RBFOX3: variants seen among roughly 807,000 people sequenced by gnomAD.
RBFOX3 encodes RNA binding protein fox-1 homolog 3.
Under a neutral mutation model 48.7 loss-of-function variants are expected in RBFOX3, and 17 were observed. The observed-to-expected ratio is 0.35, with a 90% CI of 0.24 to 0.52. The LOEUF (loss-of-function observed/expected upper bound fraction) is 0.52, where lower values mean the gene tolerates loss of function less well. RBFOX3 is among the 20% of genes least tolerant of loss of function. The pLI is 0.94. For missense variants in RBFOX3, 382 were observed against 497.5 expected (o/e 0.77, Z 2.21); for synonymous variants, 212 against 209.5 (o/e 1.01, Z -0.10).
chr17:79,112,914 GT>G (rs59581567), intron 5 of RBFOX3, among the ~76,000 whole-genome samples: 7,688 of 103,238 alleles, frequency 0.074, 746 homozygotes, highest in East Asian at 0.2. Context: ...CGGGGGGGGG[GT>G]GGGCTGGGTA....
rs987696431 is a variant in RBFOX3 at position 79,570,439 on chromosome 17, T to G, written c.-320+40387A>C. ...GATTATAGGTGGATAGATGGGCAGA[T>G]GGATAATATATGGAGGATGAATGGG... On this transcript the variant is annotated intron_variant, in intron 1 of 14. Coordinates refer to ENST00000693108, the MANE Select transcript of RBFOX3 (RefSeq NM_001350451.2). Among the ~76,000 whole-genome samples, 16 of 152,248 alleles carry G rather than the reference T, an allele frequency of 1.1e-4. No homozygotes were observed. In the East Asian group the frequency reaches 3.1e-3, roughly 29 times the overall value.
chr17:79,269,880 A>C (rs1362338608), intron 3 of RBFOX3, among the ~76,000 whole-genome samples: 1 of 152,190 alleles, frequency 6.6e-6, no homozygotes, highest in South Asian at 2.1e-4. Context: ...CTCTCCAGCA[A>C]AGTGAGCCCC....
chr17:79,318,876 AAAAAG>A lies in RBFOX3; in HGVS notation c.-174-11057_-174-11053del, dbSNP rs1322652467. The stretch of plus-strand genomic sequence containing the variant: ...TCTCAAAAAAAAAAAAAAAAAAAAA[AAAAAG>A]GGATGGAGGGAGGGATAGCATTTGG... On this transcript the variant is annotated intron_variant, in intron 2 of 14. Transcript: ENST00000693108. Among the ~76,000 whole-genome samples, 381 of 129,986 alleles carry A rather than the reference AAAAAG, an allele frequency of 2.9e-3. 5 individuals are homozygous for A. Among genetic ancestry groups the A allele is most frequent in the African/African-American group, 9.2e-3 (323 of 35,240 alleles). The allele number at this position is 129,986 out of a possible 152,430, so 85.3% of individuals were successfully genotyped here. A position where few individuals can be genotyped will look rare whatever the true frequency, so the allele number is the denominator to read the frequency against.
intron 4 of RBFOX3, among the ~76,000 whole-genome samples, chr17:79,215,223 T>A (rs1004527013): frequency 3.3e-5 from 5 of 151,568 alleles, no homozygotes; most frequent in Non-Finnish European, 4.4e-5. Context: ...CCAGACTGCA[T>A]GCTGCCGCCC....
At chr17:79,201,959 C>A (rs2056820496) in intron 4 of RBFOX3, among the ~76,000 whole-genome samples, 1 of 152,206 alleles carries the variant, frequency 6.6e-6, no homozygotes, top group Non-Finnish European at 1.5e-5. Context: ...CATGCTGACA[C>A]CACCTTCTCT....
At chr17:79,405,115 C>G (rs1009908434) in intron 2 of RBFOX3, among the ~76,000 whole-genome samples, 3 of 152,200 alleles carry the variant, frequency 2.0e-5, no homozygotes, top group Admixed American at 6.5e-5. Context: ...CATCTTACAG[C>G]TGATTTTCCC....
chr17:79,564,425 A>G lies in RBFOX3; in HGVS notation c.-320+46401T>C, dbSNP rs915084088. On this transcript the variant is annotated intron_variant, in intron 1 of 14. Transcript: ENST00000693108. ...AGGTGGCATCTAGGGATAATGGCCG[A>G]GCTGGCCTTGCTGGCTGGTGGGGGC... 8.0e-3 allele frequency among the ~76,000 whole-genome samples: 1,219 copies of G among 152,312 alleles called. 15 individuals are homozygous for G. The highest frequency in any genetic ancestry group is 0.043 in the South Asian group (206 of 4,818).
chr17:79,353,031 G>A (rs1307295551), intron 2 of RBFOX3, among the ~76,000 whole-genome samples: 1 of 152,234 alleles, frequency 6.6e-6, no homozygotes, highest in Non-Finnish European at 1.5e-5. Flanking sequence ...ATCACACAGG[G>A]ACTGCCTCGG....
intron 6 of RBFOX3, among the ~76,000 whole-genome samples, chr17:79,105,512 G>A (rs535269884): frequency 2.6e-5 from 4 of 152,300 alleles, no homozygotes; most frequent in Non-Finnish European, 5.9e-5. Flanking sequence ...AGAAGGGACA[G>A]AGTCCTTGCC....
At chr17:79,322,775 T>C (rs1373831497) in intron 2 of RBFOX3, among the ~76,000 whole-genome samples, 1 of 152,116 alleles carries the variant, frequency 6.6e-6, no homozygotes, top group Non-Finnish European at 1.5e-5. Context: ...ACCAGGCTTG[T>C]TTTGGGTTCT....
At chr17:79,580,217 G>A (rs1186592228) in intron 1 of RBFOX3, among the ~76,000 whole-genome samples, 5 of 149,650 alleles carry the variant, frequency 3.3e-5, no homozygotes, top group Non-Finnish European at 5.9e-5. Context: ...CCCTGCCCCA[G>A]TCCCACCATC....
At chr17:79,315,383 CTGGA>C (rs1041087188) in intron 2 of RBFOX3, among the ~76,000 whole-genome samples, 27 of 152,304 alleles carry the variant, frequency 1.8e-4, no homozygotes, top group African/African-American at 5.5e-4. Flanking sequence ...CCAGAAAGTG[CTGGA>C]TGCAGAGGCG....
the RBFOX3 span, among the ~76,000 whole-genome samples, chr17:79,634,357 C>G: frequency 6.6e-5 from 10 of 152,336 alleles, no homozygotes; most frequent in African/African-American, 2.4e-4. Flanking sequence ...CCACCCACAC[C>G]CTCTATTCCA....
At position 79,418,220 on chromosome 17, in the gene RBFOX3, T is replaced by C. The variant is rs1321301032; in HGVS notation, c.-175+64234A>G. 6.6e-6 allele frequency among the ~76,000 whole-genome samples: 1 copy of C among 152,234 alleles called. No individual in the cohort carries two copies. Among genetic ancestry groups the C allele is most frequent in the Non-Finnish European group, 1.5e-5 (1 of 68,038 alleles). The stretch of plus-strand genomic sequence containing the variant: ...GGTTAAGATGGTACATTTTATGTTA[T>C]GCATATTTTACCACAACGACAAAAA... On this transcript the variant is annotated intron_variant, in intron 2 of 14. Coordinates refer to ENST00000693108, the MANE Select transcript of RBFOX3 (RefSeq NM_001350451.2). The surrounding 1 kb of genome is among the most constrained non-coding windows in gnomAD (Gnocchi z 5.0).
At chr17:79,127,544 G>T (rs2037622963) in intron 4 of RBFOX3, among the ~76,000 whole-genome samples, 1 of 152,178 alleles carries the variant, frequency 6.6e-6, no homozygotes, top group African/African-American at 2.4e-5. Flanking sequence ...AAGTTTTAGG[G>T]AAAATAAAAG....
At chr17:79,375,284 T>C (rs2059077843) in intron 2 of RBFOX3, among the ~76,000 whole-genome samples, 1 of 151,712 alleles carries the variant, frequency 6.6e-6, no homozygotes, top group Non-Finnish European at 1.5e-5. Context: ...CAGAGACTTG[T>C]GGAAGGCTGG....
intron 2 of RBFOX3, among the ~76,000 whole-genome samples, chr17:79,354,754 CT>C (rs2147095722): frequency 6.6e-6 from 1 of 152,362 alleles, no homozygotes; most frequent in South Asian, 2.1e-4. Context: ...GGGACCTCAC[CT>C]CCAACTCCGG....
chr17:79,540,400 C>T (rs768608090), intron 1 of RBFOX3, among the ~76,000 whole-genome samples: 3 of 152,222 alleles, frequency 2.0e-5, no homozygotes, highest in African/African-American at 7.2e-5. Context: ...GCGGAGGCCC[C>T]GGCACACAGT....
intron 4 of RBFOX3, among the ~76,000 whole-genome samples, chr17:79,173,791 G>A: frequency 6.6e-6 from 1 of 152,062 alleles, no homozygotes; most frequent in Non-Finnish European, 1.5e-5. Context: ...CATGCAGCTG[G>A]AGATGGCTTC....
Sources: allele counts gnomAD v4.1 joint callset (sites outside exome capture counted in the v4.1 genomes callset), GRCh38; gene constraint gnomAD v4.1.1; non-coding constraint Gnocchi (gnomAD v3.1); transcripts MANE v1.5; gene names NCBI Gene and HGNC (gene_info 2026-07-23, HGNC 2026-07-21).